The following FTO variants were observed in gnomAD, a reference collection of about 807,000 sequenced individuals.
FTO encodes the protein FTO alpha-ketoglutarate dependent dioxygenase.
Under a neutral mutation model 63.9 loss-of-function variants are expected in FTO, and 47 were observed. The observed-to-expected ratio is 0.74, with a 90% CI of 0.58 to 0.94. The LOEUF (loss-of-function observed/expected upper bound fraction) is 0.94, where lower values mean the gene tolerates loss of function less well. Ranked by LOEUF, FTO falls within the 40% of genes least tolerant of loss-of-function variation. The pLI, the probability that FTO is intolerant of heterozygous loss-of-function variation, is 0.00. For missense variants in FTO, 562 were observed against 618.1 expected (o/e 0.91, Z 0.96); for synonymous variants, 207 against 224.4 (o/e 0.92, Z 0.69).
At chr16:53,830,200 G>A (rs2079108187) in intron 3 of FTO, among the ~76,000 whole-genome samples, 1 of 152,158 alleles carries the variant, frequency 6.6e-6, no homozygotes, top group African/African-American at 2.4e-5. Context: ...GCTTTCACAT[G>A]CCGTTCTAGT....
At chr16:53,766,430 C>A (rs1325758866) in intron 1 of FTO, among the ~76,000 whole-genome samples, 1 of 152,106 alleles carries the variant, frequency 6.6e-6, no homozygotes, top group East Asian at 1.9e-4. Flanking sequence ...ACTGCATTGC[C>A]CAGGCTGGTC....
In FTO at chr16:53,984,321, C is replaced by CCTTTTT. The variant is rs1555500067; in HGVS notation, c.1364+50212_1364+50213insCTTTTT. 1.3e-3 allele frequency among the ~76,000 whole-genome samples: 90 copies of CCTTTTT among 67,318 alleles called. 3 individuals are homozygous for CCTTTTT. The highest frequency in any genetic ancestry group is 4.6e-3 in the African/African-American group (83 of 17,980). 44.2% of individuals were successfully genotyped at this position (67,318 alleles called of 152,430 possible). A position where few individuals can be genotyped will look rare whatever the true frequency, so the allele number is the denominator to read the frequency against. On this transcript the variant is annotated intron_variant, in intron 8 of 8. Transcript: ENST00000471389. ...CCTCTATCCCTCCCTTGGAATGGGT[C>CCTTTTT]TTTTTTTTTTTTTTTTTTTTTTTTT...
At chr16:53,903,384 G>A (rs992277003) in intron 7 of FTO, among the ~76,000 whole-genome samples, 3 of 151,240 alleles carry the variant, frequency 2.0e-5, no homozygotes, top group Admixed American at 6.6e-5. Flanking sequence ...TCAGCCTCCC[G>A]AGTCGCTGGG....
At chr16:53,883,876 T>A (rs1022927251) in intron 6 of FTO, among the ~76,000 whole-genome samples, 11 of 152,192 alleles carry the variant, frequency 7.2e-5, no homozygotes, top group African/African-American at 2.7e-4. Flanking sequence ...GGGCACATTG[T>A]CAGATATTGT....
At chr16:53,780,367 A>C (rs1237988354) in intron 1 of FTO, among the ~76,000 whole-genome samples, 1 of 152,004 alleles carries the variant, frequency 6.6e-6, no homozygotes, top group African/African-American at 2.4e-5. Flanking sequence ...CTAAAATGAC[A>C]CCCACTCAAT....
chr16:53,856,387 A>G (rs1182334794), intron 4 of FTO, among the ~76,000 whole-genome samples: 2 of 136,028 alleles, frequency 1.5e-5, no homozygotes, highest in Non-Finnish European at 3.2e-5. Flanking sequence ...ATATTTATTT[A>G]CCAAATAAAT....
chr16:53,873,470 A>G (rs2080558278), intron 4 of FTO, among the ~76,000 whole-genome samples: 1 of 149,532 alleles, frequency 6.7e-6, no homozygotes, highest in African/African-American at 2.4e-5. Flanking sequence ...CTACTTATAT[A>G]TACTTGCATA....
At chr16:53,860,059 G>T (rs1471607248) in intron 4 of FTO, among the ~76,000 whole-genome samples, 4 of 152,030 alleles carry the variant, frequency 2.6e-5, no homozygotes, top group Non-Finnish European at 5.9e-5. Context: ...ACAGATGATT[G>T]AATAAAGAAA....
chr16:53,869,589 A>G (rs1311240961), intron 4 of FTO, among the ~76,000 whole-genome samples: 2 of 130,528 alleles, frequency 1.5e-5, no homozygotes, highest in Non-Finnish European at 3.2e-5. Context: ...TCAGTTTTGG[A>G]AGTTTCTCTT....
At chr16:53,846,520 G>A (rs1182117184) in intron 4 of FTO, among the ~76,000 whole-genome samples, 1 of 152,054 alleles carries the variant, frequency 6.6e-6, no homozygotes, top group Non-Finnish European at 1.5e-5. Flanking sequence ...TATAAAAGTG[G>A]CTGGGTGCTA....
chr16:53,783,560 G>T (rs1427551228), intron 1 of FTO, among the ~76,000 whole-genome samples: 2 of 135,016 alleles, frequency 1.5e-5, no homozygotes, highest in African/African-American at 5.7e-5. Context: ...GTGAAACGAG[G>T]TTGCGCCACG....
chr16:53,801,431 A>C (rs2078220011), intron 1 of FTO, among the ~76,000 whole-genome samples: 1 of 152,108 alleles, frequency 6.6e-6, no homozygotes, highest in African/African-American at 2.4e-5. Context: ...CCCAGAATGT[A>C]CTACTCTTGT....
intron 4 of FTO, among the ~76,000 whole-genome samples, chr16:53,871,009 C>T (rs2080477287): frequency 6.6e-6 from 1 of 152,132 alleles, no homozygotes; most frequent in Admixed American, 6.5e-5. Context: ...TTTATAACTT[C>T]TGATGAGAAG....
At chr16:53,711,397 G>A (rs561785666) in intron 1 of FTO, 3 of 398,574 alleles carry the variant, frequency 7.5e-6, no homozygotes, top group East Asian at 7.1e-5. Flanking sequence ...AGTGTACTCA[G>A]CACCAGGGTA....
At chr16:53,896,989 T>C (rs1489491477) in intron 7 of FTO, among the ~76,000 whole-genome samples, 1 of 152,176 alleles carries the variant, frequency 6.6e-6, no homozygotes, top group Non-Finnish European at 1.5e-5. Context: ...CGGGAACACA[T>C]TAAGTTGGCC....
intron 8 of FTO, among the ~76,000 whole-genome samples, chr16:53,990,225 G>A (rs1350262063): frequency 6.6e-6 from 1 of 152,174 alleles, no homozygotes; most frequent in East Asian, 1.9e-4. Context: ...AGTACCTGTA[G>A]CATGCATAGC....
At chr16:54,069,182 T>G (rs1375387265) in intron 8 of FTO, among the ~76,000 whole-genome samples, 1 of 152,186 alleles carries the variant, frequency 6.6e-6, no homozygotes, top group East Asian at 1.9e-4. Context: ...TCTGATTACA[T>G]TTTTAAGCTT....
intron 1 of FTO, among the ~76,000 whole-genome samples, chr16:53,723,120 A>G (rs1189838912): frequency 6.6e-6 from 1 of 152,164 alleles, no homozygotes. Context: ...TTTATCTCCC[A>G]CTTTCATTAT....
At chr16:53,796,669 A>C (rs1399358846) in intron 1 of FTO, among the ~76,000 whole-genome samples, 2 of 152,214 alleles carry the variant, frequency 1.3e-5, no homozygotes, top group African/African-American at 4.8e-5. Context: ...ATCTGAATAA[A>C]ACAATGAACG....
Sources: gnomAD v4.1 joint callset for allele counts (sites outside exome capture counted in the v4.1 genomes callset) on GRCh38, gnomAD v4.1.1 for gene constraint, MANE v1.5 for transcripts, NCBI Gene and HGNC (gene_info 2026-07-23, HGNC 2026-07-21) for gene names.